CFAP99: variants seen among roughly 807,000 people sequenced by gnomAD.
CFAP99 encodes cilia and flagella associated protein 99, also known as cilia- and flagella-associated protein 99.
A neutral mutation model predicts 82.7 loss-of-function variants in CFAP99; 84 were observed. That is an observed-to-expected ratio of 1.02 (90% CI 0.85 to 1.22). The LOEUF (loss-of-function observed/expected upper bound fraction) is 1.22. Among genes scored for constraint, CFAP99 ranks in the 50% most tolerant of loss-of-function variants. CFAP99 has a pLI of 0.00. For missense variants in CFAP99, 1,059 were observed against 983.5 expected, an observed-to-expected ratio of 1.08 and a Z score of -1.03; for synonymous variants, 456 against 429.5, an observed-to-expected ratio of 1.06 and a Z score of -0.76.
Position 2,462,693 on chromosome 4 carries a change from C to T in CFAP99, c.1912C>T (p.Pro638Ser). 1 of 1,256,048 alleles carries T rather than the reference C, an allele frequency of 8.0e-7. No homozygotes were observed. The highest frequency in any genetic ancestry group is 1.0e-6 in the Non-Finnish European group (1 of 1,000,408). 77.8% of individuals were successfully genotyped at this position (1,256,048 alleles called of 1,614,324 possible). The change falls in exon 15 of 15, where the codon CCG (proline) becomes TCG (serine). Residue 638 changes from proline to serine, a missense_variant. By Grantham distance (74) the Pro-to-Ser change is moderately conservative. Coordinates refer to ENST00000635017, the Ensembl canonical transcript of CFAP99. This position sits in a 1 kb window ranked among gnomAD's most constrained non-coding sequence, Gnocchi z 4.1. ...GGCGCGGCGCGCAGGGACCGGCGTC[C>T]CGGGGCGGGGATGGCGGGGAGATCG...
chr4:2,449,732 CA>C lies in CFAP99; in HGVS notation c.707del (p.Asn236ThrfsTer10). On this transcript the variant is annotated frameshift_variant, in exon 7 of 15. Transcript: ENST00000635017. LOFTEE classifies it high-confidence loss of function. ...AGCAGCTGGAGACAGTCAAGAGGTA[CA>C]ACCGCCGAAAGGCCGAGGTGAGCTG... The C allele has an allele frequency of 1.3e-6, 2 of 1,536,106 alleles. No individual in the cohort carries two copies. Among genetic ancestry groups the C allele is most frequent in the South Asian group, 2.4e-5 (2 of 84,062 alleles).
In CFAP99 at chr4:2,452,101, G is replaced by T. The variant is rs183315588; in HGVS notation, c.957-41G>T. The T allele has an allele frequency of 1.2e-5, 18 of 1,528,566 alleles. No individual in the cohort carries two copies. In the South Asian group the frequency reaches 2.0e-4, roughly 17 times the overall value. 94.7% of individuals were successfully genotyped at this position (1,528,566 alleles called of 1,614,324 possible). ...GTGACCACCCAGCAGCCTCTGTCACGGGAGAAACCCCAAGCTGTGCTTCTG... is the reference window on the plus strand; with the variant it reads ...GTGACCACCCAGCAGCCTCTGTCACTGGAGAAACCCCAAGCTGTGCTTCTG... On this transcript the variant is annotated intron_variant, in intron 10 of 14. Transcript: ENST00000635017.
chr4:2,445,401 C>T (rs1734142091), intron 6 of CFAP99, 93 bp downstream of exon 6: 2 of 1,120,724 alleles, frequency 1.8e-6, no homozygotes, highest in African/African-American at 3.2e-5. Context: ...GGGGACTGGG[C>T]TCCCCCCAGG....
intron 2 of CFAP99, among the ~76,000 whole-genome samples, chr4:2,432,654 G>A (rs957279101): frequency 3.9e-5 from 6 of 152,156 alleles, no homozygotes; most frequent in Non-Finnish European, 1.5e-5. Context: ...TTCTGGAGGT[G>A]CTGAGAAACC....
intron 1 of CFAP99, among the ~76,000 whole-genome samples, chr4:2,423,183 G>C (rs1314670147): frequency 6.6e-6 from 1 of 152,196 alleles, no homozygotes; most frequent in Non-Finnish European, 1.5e-5. Context: ...AGTGCTTCCT[G>C]CTGCCAGCAG....
Position 2,462,584 on chromosome 4 carries a change from G to C in CFAP99, c.1803G>C (p.Arg601=). The C allele has an allele frequency of 7.0e-7, 1 of 1,428,924 alleles. No homozygotes were observed. 88.5% of individuals were successfully genotyped at this position (1,428,924 alleles called of 1,614,324 possible). Residue 601 remains arginine, a synonymous_variant, in exon 15 of 15, where the codon CGG becomes CGC. Coordinates refer to ENST00000635017, the Ensembl canonical transcript of CFAP99. The surrounding 1 kb of genome is among the most constrained non-coding windows in gnomAD (Gnocchi z 4.1). ...CCTTGCTGCACGTGTCGGCGCCGCG[G>C]ACCGCGCGCCCCAAGCCCCGGGTGA...
chr4:2,422,038 A>C (rs577231176), intron 1 of CFAP99, among the ~76,000 whole-genome samples: 5 of 152,228 alleles, frequency 3.3e-5, no homozygotes, highest in Admixed American at 1.3e-4. Flanking sequence ...TGAGACCCTA[A>C]ATCAGGAAAA....
intron 4 of CFAP99, among the ~76,000 whole-genome samples, chr4:2,442,355 AG>A (rs954771806): frequency 3.3e-5 from 5 of 149,444 alleles, no homozygotes; most frequent in African/African-American, 1.2e-4. Flanking sequence ...GGGGTGGGAA[AG>A]GGGGTGGAAG....
chr4:2,448,366 G>A lies in CFAP99; in HGVS notation c.643-1304G>A, dbSNP rs1268274735. ...TGCCTCTCAGTACAATCTGTGAGATGTTTGTGGACATGTACCTTCTCTGCA... is the reference window on the plus strand; with the variant it reads ...TGCCTCTCAGTACAATCTGTGAGATATTTGTGGACATGTACCTTCTCTGCA... On this transcript the variant is annotated intron_variant, in intron 6 of 14. Transcript: ENST00000635017. This position sits in a 1 kb window ranked among gnomAD's most constrained non-coding sequence, Gnocchi z 5.2. Among the ~76,000 whole-genome samples, 1 of 152,204 alleles carries A rather than the reference G, an allele frequency of 6.6e-6. No individual in the cohort carries two copies.
At chr4:2,424,488 C>A (rs1383595924) in intron 1 of CFAP99, among the ~76,000 whole-genome samples, 2 of 152,176 alleles carry the variant, frequency 1.3e-5, no homozygotes, top group Non-Finnish European at 2.9e-5. Context: ...CCATGTCAGG[C>A]CTCAGGTGGT....
intron 4 of CFAP99, 49 bp from the exon 5 acceptor site, chr4:2,443,081 G>C: frequency 9.2e-7 from 1 of 1,081,606 alleles, no homozygotes. Flanking sequence ...TGCCCGGTGA[G>C]GGGTTGGGCC....
chr4:2,425,848 C>T (rs934441008), intron 1 of CFAP99, among the ~76,000 whole-genome samples: 2 of 152,122 alleles, frequency 1.3e-5, no homozygotes, highest in Non-Finnish European at 2.9e-5. Context: ...AACTGCTGCA[C>T]CTCTGGAGTG....
chr4:2,428,233 G>A (rs59701486), intron 2 of CFAP99: 6,673 of 152,380 alleles, frequency 0.044, 510 homozygotes, highest in African/African-American at 0.15. Context: ...GCCCGTCCTG[G>A]GAGCTGGCGT....
Position 2,459,746 on chromosome 4 carries a change from G to A in CFAP99, c.1456-291G>A, listed in dbSNP as rs573216055. Among the ~76,000 whole-genome samples the A allele has an allele frequency of 1.0e-3, 155 of 152,328 alleles. 1 individual carries two copies. The highest frequency in any genetic ancestry group is 3.4e-3 in the African/African-American group (142 of 41,570). On this transcript the variant is annotated intron_variant, in intron 13 of 14. Transcript: ENST00000635017. ...CCCCGAGGCCATGGGGAGTGCAAAC[G>A]GCTGTCTGCCCCAGGCCCCGAAGCC...
At chr4:2,449,706 C>A in exon 7 of CFAP99, 3 of 1,536,164 alleles carry the variant, frequency 2.0e-6, no homozygotes, top group Non-Finnish European at 2.6e-6. Flanking sequence ...CAAGGAGCAG[C>A]AGCAGCTGGA....
intron 3 of CFAP99, among the ~76,000 whole-genome samples, chr4:2,437,628 T>C (rs1227429145): frequency 6.6e-6 from 1 of 152,128 alleles, no homozygotes; most frequent in Admixed American, 6.5e-5. Flanking sequence ...TAGGCTCCTG[T>C]CCCGACCCCT....
At chr4:2,440,559 C>A (rs2108723054) in intron 4 of CFAP99, among the ~76,000 whole-genome samples, 1 of 151,896 alleles carries the variant, frequency 6.6e-6, no homozygotes, top group Middle Eastern at 3.4e-3. Context: ...CAAGACCAGC[C>A]TGGGCGACAG....
rs139499246 is a variant in CFAP99 at position 2,433,427 on chromosome 4, CG to C, written c.112-3438del. Among the ~76,000 whole-genome samples, 334 of 135,934 alleles carry C rather than the reference CG, an allele frequency of 2.5e-3. 1 individual carries two copies. Among genetic ancestry groups the C allele is most frequent in the South Asian group, 0.011 (46 of 4,086 alleles). The allele number at this position is 135,934 out of a possible 152,430, so 89.2% of individuals were successfully genotyped here. On this transcript the variant is annotated intron_variant, in intron 2 of 14. Transcript: ENST00000635017. ...ACAAGATGTTGTCAGTTACACGGGG[CG>C]GGGGGGGGACCAGTGCCCTCGGTGT...
At chr4:2,437,116 C>T in intron 3 of CFAP99, 98 bp downstream of exon 3, 1 of 1,410,626 alleles carries the variant, frequency 7.1e-7, no homozygotes, top group African/African-American at 1.4e-5. Flanking sequence ...CAGGCGGGGC[C>T]AGCTCCTCCT....
Sources: gnomAD v4.1 joint callset for allele counts (sites outside exome capture counted in the v4.1 genomes callset) on GRCh38, gnomAD v4.1.1 for gene constraint, Gnocchi (gnomAD v3.1) non-coding constraint, MANE v1.5 for transcripts, NCBI Gene and HGNC (gene_info 2026-07-23, HGNC 2026-07-21) for gene names.